The following KCNT2 variants were observed in gnomAD, a reference collection of about 807,000 sequenced individuals.
KCNT2 encodes the protein potassium channel subfamily T member 2.
A neutral mutation model predicts 153.8 loss-of-function variants in KCNT2; 67 were observed. That is an observed-to-expected ratio of 0.44 (90% confidence interval 0.36 to 0.53). The LOEUF is 0.53. Ranked by LOEUF, KCNT2 falls within the 20% of genes least tolerant of loss-of-function variation. The pLI is 0.00. For synonymous variants in KCNT2, 500 were observed against 458.8 expected (o/e 1.09, Z -1.15); for missense variants, 975 against 1,354.8 (o/e 0.72, Z 4.40).
At chr1:196,564,511 A>G (rs1659838637) in intron 1 of KCNT2, among the ~76,000 whole-genome samples, 1 of 151,882 alleles carries the variant, frequency 6.6e-6, no homozygotes, top group South Asian at 2.1e-4. Flanking sequence ...CAAAATTTGA[A>G]TGAAGCCACA....
chr1:196,251,767 A>ATAATAATATAT (rs1655992886), intron 26 of KCNT2, among the ~76,000 whole-genome samples: 1 of 152,008 alleles, frequency 6.6e-6, no homozygotes, highest in African/African-American at 2.4e-5. Flanking sequence ...ATTGGTTATA[A>ATAATAATATAT]CACAAAGAAA....
intron 13 of KCNT2, among the ~76,000 whole-genome samples, chr1:196,397,939 T>G (rs1021501448): frequency 6.0e-5 from 9 of 151,028 alleles, no homozygotes; most frequent in Non-Finnish European, 7.4e-5. Flanking sequence ...ACATTAGCGG[T>G]TTTTTTTACA....
At position 196,387,921 on chromosome 1, in the gene KCNT2, C is replaced by G. The variant is rs369627494; in HGVS notation, c.1294+10642G>C. Among the ~76,000 whole-genome samples the G allele has an allele frequency of 5.3e-4, 79 of 148,832 alleles. 2 individuals are homozygous for G. In the East Asian group the frequency reaches 0.015, roughly 28 times the overall value. On this transcript the variant is annotated intron_variant, in intron 13 of 27. Transcript: ENST00000294725. ...TGGAAGGTTTAATTTTGATGAAAGC[C>G]AATTTTTCTTTTTTTTTTTTTTCTC...
At chr1:196,366,494 A>T (rs1668057962) in intron 14 of KCNT2, among the ~76,000 whole-genome samples, 1 of 152,050 alleles carries the variant, frequency 6.6e-6, no homozygotes. Context: ...AAGTCATCAG[A>T]TGTGCTTGCA....
chr1:196,440,054 A>C (rs1675089851), intron 8 of KCNT2, among the ~76,000 whole-genome samples: 1 of 152,010 alleles, frequency 6.6e-6, no homozygotes, highest in Non-Finnish European at 1.5e-5. Context: ...TGTAAAGTAA[A>C]ATAAACTAAA....
chr1:196,359,228 G>A (rs937791595), intron 14 of KCNT2, among the ~76,000 whole-genome samples: 2 of 151,794 alleles, frequency 1.3e-5, no homozygotes, highest in Non-Finnish European at 2.9e-5. Flanking sequence ...AAGTTTCATC[G>A]GGGACTGGCA....
intron 13 of KCNT2, among the ~76,000 whole-genome samples, chr1:196,379,585 C>A (rs1669297033): frequency 6.6e-6 from 1 of 151,562 alleles, no homozygotes; most frequent in Non-Finnish European, 1.5e-5. Flanking sequence ...CTCTCTCTCT[C>A]TCTCTCTCTC....
intron 1 of KCNT2, among the ~76,000 whole-genome samples, chr1:196,529,543 A>T (rs148784130): frequency 2.1e-4 from 32 of 152,238 alleles, no homozygotes; most frequent in African/African-American, 7.5e-4. Context: ...AACTCCTTTC[A>T]TCCAGTAGCA....
At chr1:196,554,598 T>A (rs532220742) in intron 1 of KCNT2, among the ~76,000 whole-genome samples, 1 of 151,190 alleles carries the variant, frequency 6.6e-6, no homozygotes, top group South Asian at 2.1e-4. Flanking sequence ...CAAACTGCCC[T>A]GAAAAGTAGA....
At chr1:196,506,549 C>T (rs1340302935) in intron 1 of KCNT2, among the ~76,000 whole-genome samples, 1 of 152,144 alleles carries the variant, frequency 6.6e-6, no homozygotes, top group African/African-American at 2.4e-5. Context: ...AAACAGATCA[C>T]TTATCAAACA....
At chr1:196,521,332 C>T (rs1373940411) in intron 1 of KCNT2, among the ~76,000 whole-genome samples, 1 of 152,094 alleles carries the variant, frequency 6.6e-6, no homozygotes, top group Non-Finnish European at 1.5e-5. Flanking sequence ...AAAGAGAACG[C>T]TTATACATTG....
intron 25 of KCNT2, among the ~76,000 whole-genome samples, chr1:196,271,092 T>C (rs561623167): frequency 6.6e-6 from 1 of 151,984 alleles, no homozygotes; most frequent in South Asian, 2.1e-4. Flanking sequence ...CTTTGCAGCA[T>C]CTGAGAACCA....
intron 23 of KCNT2, among the ~76,000 whole-genome samples, chr1:196,283,862 A>C (rs1427946653): frequency 6.6e-6 from 1 of 151,974 alleles, no homozygotes; most frequent in East Asian, 1.9e-4. Context: ...TGTTTCAGTT[A>C]TATATACATA....
At chr1:196,475,541 C>CTCCTAGGTATAG (rs1181396316) in intron 5 of KCNT2, among the ~76,000 whole-genome samples, 1 of 151,668 alleles carries the variant, frequency 6.6e-6, no homozygotes, top group Non-Finnish European at 1.5e-5. Flanking sequence ...GGATCTATAC[C>CTCCTAGGTATAG]TCCTAGGAGG....
At chr1:196,439,004 AT>A (rs904586602) in intron 8 of KCNT2, among the ~76,000 whole-genome samples, 1 of 151,794 alleles carries the variant, frequency 6.6e-6, no homozygotes, top group Admixed American at 6.6e-5. Flanking sequence ...AAGTATACCT[AT>A]TTTTTTAAAG....
intron 25 of KCNT2, among the ~76,000 whole-genome samples, chr1:196,275,514 T>G (rs1460811103): frequency 1.3e-5 from 2 of 151,874 alleles, no homozygotes; most frequent in African/African-American, 4.8e-5. Context: ...TTATCAATGT[T>G]CTTTACCAAC....
intron 1 of KCNT2, among the ~76,000 whole-genome samples, chr1:196,596,062 A>ATG (rs1664042004): frequency 4.5e-4 from 1 of 2,220 alleles, no homozygotes; most frequent in South Asian, 0.056. Flanking sequence ...ATGTGTATAT[A>ATG]TATATATATA....
In KCNT2 at chr1:196,374,080, T is replaced by G. The variant is rs933403190; in HGVS notation, c.1295-832A>C. ...AGAAGTCGTGTTTTTAAAAAGTGATTAAATAGTGTTTATTTTGGAAAAAAC... is the reference window on the plus strand; with the variant it reads ...AGAAGTCGTGTTTTTAAAAAGTGATGAAATAGTGTTTATTTTGGAAAAAAC... On this transcript the variant is annotated intron_variant, in intron 13 of 27. Transcript: ENST00000294725. Among the ~76,000 whole-genome samples the G allele has an allele frequency of 2.6e-5, 4 of 151,912 alleles. No individual in the cohort carries two copies. The East Asian group carries it at 7.7e-4, about 29-fold the overall frequency.
chr1:196,334,132 A>G (rs1275171329), intron 16 of KCNT2, 72 bp from the exon 17 acceptor site: 3 of 835,600 alleles, frequency 3.6e-6, no homozygotes, highest in Non-Finnish European at 5.9e-6. Context: ...GGTTACATGA[A>G]ATATGAAATA....
Sources: allele counts gnomAD v4.1 joint callset (sites outside exome capture counted in the v4.1 genomes callset), GRCh38; gene constraint gnomAD v4.1.1; transcripts MANE v1.5; gene names NCBI Gene and HGNC (gene_info 2026-07-23, HGNC 2026-07-21).